PTPN14: variants seen among roughly 807,000 people sequenced by gnomAD.
PTPN14 encodes protein tyrosine phosphatase non-receptor type 14.
Under a neutral mutation model 126.8 loss-of-function variants are expected in PTPN14, and 53 were observed. The ratio of observed to expected loss-of-function variants is 0.42; its 90% CI spans 0.34 to 0.53. The LOEUF (loss-of-function observed/expected upper bound fraction) is 0.53. Ranked by LOEUF, PTPN14 falls within the 20% of genes least tolerant of loss-of-function variation. The pLI, the probability that PTPN14 is intolerant of heterozygous loss-of-function variation, is 0.08. For missense variants in PTPN14, 1,257 were observed against 1,552.9 expected (o/e 0.81, Z 3.20); for synonymous variants, 630 against 599.3 (o/e 1.05, Z -0.75).
intron 1 of PTPN14, among the ~76,000 whole-genome samples, chr1:214,490,902 GGGGAAGGAA>G (rs138274649): frequency 0.19 from 4,019 of 21,310 alleles, 762 homozygotes; most frequent in Non-Finnish European, 0.24. Context: ...GGGGAGGGAA[GGGGAAGGAA>G]GGGAAGGAAA....
chr1:214,438,468 A>G (rs1659968469), intron 3 of PTPN14, among the ~76,000 whole-genome samples: 1 of 152,178 alleles, frequency 6.6e-6, no homozygotes, highest in South Asian at 2.1e-4. Context: ...TTGCAATTCC[A>G]CTTTTGGGAA....
rs12122052 is a variant in PTPN14, at chr1:214,498,920, C to T, written c.-154-33963G>A. 9.3e-3 allele frequency among the ~76,000 whole-genome samples: 1,420 copies of T among 152,214 alleles called. 8 individuals carry two copies. Among genetic ancestry groups the T allele is most frequent in the Non-Finnish European group, 0.014 (952 of 68,004 alleles). On this transcript the variant is annotated intron_variant, in intron 1 of 18. Coordinates refer to ENST00000366956, the MANE Select transcript of PTPN14 (RefSeq NM_005401.5). ...ACCTCCTGGACTCAAGTCATCCTCC[C>T]ACTTCAGCCTCCTGAAAAGCTACGA...
At chr1:214,372,623 A>G in intron 16 of PTPN14, 88 bp downstream of exon 16, 1 of 1,581,282 alleles carries the variant, frequency 6.3e-7, no homozygotes. Flanking sequence ...GAAGAAGGAT[A>G]GGGTAGCAAA....
At position 214,520,063 on chromosome 1, in the gene PTPN14, A is replaced by T. The variant is rs867886685; in HGVS notation, c.-155+31120T>A. On this transcript the variant is annotated intron_variant, in intron 1 of 18. Transcript: ENST00000366956. The stretch of plus-strand genomic sequence containing the variant: ...ACCCTGTCTCAAAAAAAAAAAAAAA[A>T]AAATATATATATATATATATGCAGA... Among the ~76,000 whole-genome samples the T allele has an allele frequency of 8.8e-3, 688 of 78,022 alleles. 4 individuals are homozygous for T. Among genetic ancestry groups the T allele is most frequent in the Middle Eastern group, 0.016 (2 of 122 alleles). The allele number at this position is 78,022 out of a possible 152,430, so 51.2% of individuals were successfully genotyped here.
intron 3 of PTPN14, among the ~76,000 whole-genome samples, chr1:214,449,431 T>C (rs1029831920): frequency 3.3e-5 from 5 of 152,176 alleles, no homozygotes; most frequent in Non-Finnish European, 7.3e-5. Flanking sequence ...CTGTCTAGAG[T>C]AACAATACTT....
At chr1:214,449,687 T>C (rs1218591030) in intron 3 of PTPN14, among the ~76,000 whole-genome samples, 2 of 152,190 alleles carry the variant, frequency 1.3e-5, no homozygotes, top group African/African-American at 2.4e-5. Flanking sequence ...GTGAATCAAC[T>C]TGAAAACAGG....
chr1:214,414,693 C>T lies in PTPN14; in HGVS notation c.378G>A (p.Val126=), dbSNP rs1469922985. 1 of 1,614,066 alleles carries T rather than the reference C, an allele frequency of 6.2e-7. No individual in the cohort carries two copies. Among genetic ancestry groups the T allele is most frequent in the Admixed American group, 1.7e-5 (1 of 60,020 alleles). ...ATGTACATCGTAATCGCCCTTCAAGCACATCTTTTTTGACTTGCAGGTAAT... is the reference window on the plus strand; with the variant it reads ...ATGTACATCGTAATCGCCCTTCAAGTACATCTTTTTTGACTTGCAGGTAAT... The part of the protein sequence containing the change: ...YQYYLQVKKD[V]LEGRLRCTLD... Residue 126 remains valine, a synonymous_variant, in exon 4 of 19, where the codon GTG becomes GTA. Coordinates refer to ENST00000366956, the MANE Select transcript of PTPN14 (RefSeq NM_005401.5).
In PTPN14 at chr1:214,533,385, C is replaced by T. The variant is rs1397641860; in HGVS notation, c.-155+17798G>A. The T allele has an allele frequency of 6.8e-6, 3 of 443,510 alleles. No individual in the cohort carries two copies. In the East Asian group the frequency reaches 1.6e-4, roughly 24 times the overall value. The allele number at this position is 443,510 out of a possible 1,614,324, so 27.5% of individuals were successfully genotyped here. Reference sequence around the variant, plus strand: ...GGTGATGGACAGCAGCAACTCCACGCAAACCATTCAAAAGACCACCACCTG... The same window carrying T: ...GGTGATGGACAGCAGCAACTCCACGTAAACCATTCAAAAGACCACCACCTG... On this transcript the variant is annotated intron_variant, in intron 1 of 18. Transcript: ENST00000366956.
chr1:214,413,394 C>G (rs534554146), intron 4 of PTPN14, among the ~76,000 whole-genome samples: 24 of 152,330 alleles, frequency 1.6e-4, no homozygotes, highest in Admixed American at 9.2e-4. Context: ...AATTACACTT[C>G]TAACAGAAAT....
intron 11 of PTPN14, among the ~76,000 whole-genome samples, chr1:214,388,718 A>G (rs1352689441): frequency 1.3e-5 from 2 of 152,140 alleles, no homozygotes; most frequent in Admixed American, 6.5e-5. Flanking sequence ...AATCTCTTAT[A>G]TTTCTATTAG....
chr1:214,431,914 C>A (rs1659805269), intron 3 of PTPN14, among the ~76,000 whole-genome samples: 1 of 152,240 alleles, frequency 6.6e-6, no homozygotes, highest in African/African-American at 2.4e-5. Context: ...AGCGCAGTGG[C>A]TCACGCCTAT....
intron 18 of PTPN14, among the ~76,000 whole-genome samples, chr1:214,359,492 G>A (rs1657906312): frequency 6.6e-6 from 1 of 151,548 alleles, no homozygotes; most frequent in South Asian, 2.1e-4. Context: ...AAAAGTGCTG[G>A]GATTATAAGC....
At chr1:214,366,817 A>C (rs1244205922) in intron 17 of PTPN14, among the ~76,000 whole-genome samples, 1 of 152,036 alleles carries the variant, frequency 6.6e-6, no homozygotes, top group Non-Finnish European at 1.5e-5. Context: ...CCCCGTCTCT[A>C]CTAAAAATAC....
Position 214,364,720 on chromosome 1 carries a change from T to C in PTPN14, c.3272-45A>G, listed in dbSNP as rs201379958. 98 of 1,584,508 alleles carry C rather than the reference T, an allele frequency of 6.2e-5. No homozygotes were observed. The highest frequency in any genetic ancestry group is 8.0e-5 in the Non-Finnish European group (93 of 1,164,566). On this transcript the variant is annotated intron_variant, in intron 17 of 18. Coordinates refer to ENST00000366956, the MANE Select transcript of PTPN14 (RefSeq NM_005401.5). The surrounding 1 kb of genome is among the most constrained non-coding windows in gnomAD (Gnocchi z 4.1). The stretch of plus-strand genomic sequence containing the variant: ...TTCTGTCACCAAAGTCCTCCATGGC[T>C]TCGCATGTAAGTTGGGGAGGGGGGA...
chr1:214,537,386 G>C (rs1054411029), intron 1 of PTPN14, among the ~76,000 whole-genome samples: 4 of 152,208 alleles, frequency 2.6e-5, no homozygotes, highest in African/African-American at 9.7e-5. Flanking sequence ...GCCCAGATTT[G>C]ACACTAGGCT....
chr1:214,480,080 G>T (rs997573558), intron 1 of PTPN14, among the ~76,000 whole-genome samples: 2 of 152,030 alleles, frequency 1.3e-5, no homozygotes, highest in East Asian at 3.9e-4. Context: ...ATTTGCTATT[G>T]TTGACAACTT....
chr1:214,528,961 G>C (rs1458115297), intron 1 of PTPN14: 2 of 151,804 alleles, frequency 1.3e-5, no homozygotes, highest in Admixed American at 6.6e-5. Flanking sequence ...AGGTATGGTT[G>C]TTTTAAAAAA....
chr1:214,437,569 C>T (rs1659947916), intron 3 of PTPN14, among the ~76,000 whole-genome samples: 1 of 152,072 alleles, frequency 6.6e-6, no homozygotes, highest in Non-Finnish European at 1.5e-5. Context: ...GTTGAACTAC[C>T]TAGAAGGCTA....
intron 7 of PTPN14, among the ~76,000 whole-genome samples, chr1:214,398,613 ATTTTT>A (rs56339386): frequency 1.3e-4 from 14 of 108,902 alleles, no homozygotes; most frequent in African/African-American, 3.1e-4. Context: ...TGCCCTGCTA[ATTTTT>A]TTTTTTTTTT....
Sources: allele counts gnomAD v4.1 joint callset (sites outside exome capture counted in the v4.1 genomes callset), GRCh38; gene constraint gnomAD v4.1.1; non-coding constraint Gnocchi (gnomAD v3.1); transcripts MANE v1.5; gene names NCBI Gene and HGNC (gene_info 2026-07-23, HGNC 2026-07-21).